The following MYO3B variants were observed in gnomAD, a reference collection of about 807,000 sequenced individuals.
The protein encoded by MYO3B is myosin IIIB, also known as myosin-IIIb.
MYO3B carries 156 observed loss-of-function variants against 174.6 expected under a neutral mutation model. The observed-to-expected ratio is 0.89, with a 90% CI of 0.78 to 1.02. MYO3B has a LOEUF of 1.02. Ranked by LOEUF, MYO3B falls within the 50% of genes least tolerant of loss-of-function variation. MYO3B has a pLI of 0.00. For missense variants in MYO3B, 1,632 were observed against 1,639.4 expected (o/e 1.00, Z 0.08); for synonymous variants, 563 against 569.1 (o/e 0.99, Z 0.15).
chr2:170,259,913 A>T (rs60587169), intron 7 of MYO3B, among the ~76,000 whole-genome samples: 11,603 of 152,128 alleles, frequency 0.076, 566 homozygotes, highest in African/African-American at 0.14. Flanking sequence ...AAGGACATGA[A>T]GAGATAGATA....
chr2:170,622,077 C>T (rs1003062563), intron 32 of MYO3B, among the ~76,000 whole-genome samples: 1 of 152,188 alleles, frequency 6.6e-6, no homozygotes, highest in East Asian at 1.9e-4. Context: ...ATCGGCTCCA[C>T]CCTTCTAAAT....
chr2:170,186,632 C>T (rs1393236772), intron 1 of MYO3B, among the ~76,000 whole-genome samples: 2 of 152,110 alleles, frequency 1.3e-5, no homozygotes, highest in Non-Finnish European at 2.9e-5. Context: ...TAATACCGGC[C>T]CCATAAAATG....
intron 7 of MYO3B, among the ~76,000 whole-genome samples, chr2:170,327,987 G>A (rs977675891): frequency 6.6e-5 from 10 of 151,396 alleles, no homozygotes; most frequent in Non-Finnish European, 7.4e-5. Flanking sequence ...CTGCAGCCCC[G>A]ACCTCCCAGG....
intron 16 of MYO3B, among the ~76,000 whole-genome samples, chr2:170,397,655 T>A (rs1470474479): frequency 6.6e-6 from 1 of 152,136 alleles, no homozygotes. Flanking sequence ...TTCTCCCCCA[T>A]ACCTGCAAAT....
intron 32 of MYO3B, among the ~76,000 whole-genome samples, chr2:170,626,238 C>G (rs1354637263): frequency 6.6e-6 from 1 of 152,144 alleles, no homozygotes; most frequent in Non-Finnish European, 1.5e-5. Context: ...CTGGGTGCTC[C>G]TGTACTGGGT....
intron 32 of MYO3B, among the ~76,000 whole-genome samples, chr2:170,580,594 C>T (rs1295006263): frequency 6.6e-6 from 1 of 152,064 alleles, no homozygotes. Context: ...GCTGAGATCG[C>T]ACCACTGCAC....
At chr2:170,290,084 A>C (rs770306542) in intron 7 of MYO3B, among the ~76,000 whole-genome samples, 4 of 152,152 alleles carry the variant, frequency 2.6e-5, no homozygotes, top group Non-Finnish European at 4.4e-5. Flanking sequence ...GATGTAATTT[A>C]TATTTTTTGA....
At chr2:170,588,627 G>T (rs186419862) in intron 32 of MYO3B, among the ~76,000 whole-genome samples, 77 of 152,218 alleles carry the variant, frequency 5.1e-4, no homozygotes, top group African/African-American at 1.5e-3. Flanking sequence ...TTTTATTGAC[G>T]ATCTTTATCC....
chr2:170,308,300 T>A (rs1470133067), intron 7 of MYO3B, among the ~76,000 whole-genome samples: 1 of 152,216 alleles, frequency 6.6e-6, no homozygotes, highest in Non-Finnish European at 1.5e-5. Flanking sequence ...CTCTCTGGCA[T>A]ACAGAAGCCC....
At chr2:170,402,492 G>A (rs191080893) in intron 18 of MYO3B, among the ~76,000 whole-genome samples, 44 of 152,252 alleles carry the variant, frequency 2.9e-4, no homozygotes, top group Non-Finnish European at 5.1e-4. Flanking sequence ...ATTCTGAAGA[G>A]TACTCTTCCA....
At chr2:170,406,904 A>AG (rs1278093434) in intron 21 of MYO3B, among the ~76,000 whole-genome samples, 11 of 152,082 alleles carry the variant, frequency 7.2e-5, no homozygotes, top group Non-Finnish European at 1.5e-4. Context: ...CTCAGATCTC[A>AG]TGAGGACCTA....
At chr2:170,258,579 A>G (rs542862706) in intron 7 of MYO3B, among the ~76,000 whole-genome samples, 5 of 152,272 alleles carry the variant, frequency 3.3e-5, no homozygotes, top group Middle Eastern at 3.4e-3. Flanking sequence ...TGAGTCATCT[A>G]TGACAAACCC....
At chr2:170,503,687 T>C (rs1376359598) in intron 28 of MYO3B, among the ~76,000 whole-genome samples, 6 of 151,878 alleles carry the variant, frequency 4.0e-5, no homozygotes, top group African/African-American at 1.5e-4. Flanking sequence ...ACCTCCCCTT[T>C]CTTAGCCTTG....
At position 170,591,091 on chromosome 2, in the gene MYO3B, C is replaced by T. The variant is rs141414589; in HGVS notation, c.3733+47103C>T. On this transcript the variant is annotated intron_variant, in intron 32 of 34. Coordinates refer to ENST00000408978, the MANE Select transcript of MYO3B (RefSeq NM_138995.5). ...CCTTTGGATGCTTGATTACTTCTCTCTCCCAACTTGGAGCTTTATTTTTCC... is the reference window on the plus strand; with the variant it reads ...CCTTTGGATGCTTGATTACTTCTCTTTCCCAACTTGGAGCTTTATTTTTCC... Among the ~76,000 whole-genome samples the T allele has an allele frequency of 1.2e-4, 18 of 152,340 alleles. No homozygotes were observed. The East Asian group carries it at 3.3e-3, about 28-fold the overall frequency.
chr2:170,329,152 C>A (rs10186466), intron 7 of MYO3B, among the ~76,000 whole-genome samples: 24,232 of 136,744 alleles, frequency 0.18, 3,898 homozygotes, highest in African/African-American at 0.44. Context: ...ACTCTGTCTC[C>A]AAAAAAAAAA....
intron 23 of MYO3B, among the ~76,000 whole-genome samples, chr2:170,459,140 T>C (rs909160337): frequency 2.6e-5 from 4 of 152,134 alleles, no homozygotes; most frequent in African/African-American, 9.7e-5. Flanking sequence ...AGCAGCAAGA[T>C]TTATTGCGAA....
chr2:170,252,730 G>A (rs73975592), intron 7 of MYO3B, among the ~76,000 whole-genome samples: 1 of 152,196 alleles, frequency 6.6e-6, no homozygotes, highest in Non-Finnish European at 1.5e-5. Context: ...GACAGTTGGG[G>A]TGGGGTTTGT....
intron 1 of MYO3B, among the ~76,000 whole-genome samples, chr2:170,194,173 A>G (rs1475102562): frequency 6.6e-6 from 1 of 152,156 alleles, no homozygotes; most frequent in East Asian, 1.9e-4. Context: ...CAGTTTGGTT[A>G]AATATAAAAA....
rs1183542114 is a variant in MYO3B at position 170,256,019 on chromosome 2, T to G, written c.749+19883T>G. Among the ~76,000 whole-genome samples the G allele has an allele frequency of 2.0e-5, 3 of 152,184 alleles. No individual in the cohort carries two copies. The South Asian group carries it at 6.2e-4, about 32-fold the overall frequency. On this transcript the variant is annotated intron_variant, in intron 7 of 34. Transcript: ENST00000408978. ...ATACAGTGGAAGCCTGAACAACAGATTAGACCAAGCTGAGAATTTCAGAGC... is the reference window on the plus strand; with the variant it reads ...ATACAGTGGAAGCCTGAACAACAGAGTAGACCAAGCTGAGAATTTCAGAGC...
Sources: allele counts gnomAD v4.1 joint callset (sites outside exome capture counted in the v4.1 genomes callset), GRCh38; gene constraint gnomAD v4.1.1; transcripts MANE v1.5; gene names NCBI Gene and HGNC (gene_info 2026-07-23, HGNC 2026-07-21).